The following ADAR variants were observed in gnomAD, a reference collection of about 807,000 sequenced individuals.
The protein encoded by ADAR is adenosine deaminase RNA specific.
Under a neutral mutation model 113.2 loss-of-function variants are expected in ADAR, and 41 were observed. The observed-to-expected ratio is 0.36, with a 90% CI of 0.28 to 0.47. ADAR has a LOEUF of 0.47. Ranked by LOEUF, ADAR falls within the 20% of genes least tolerant of loss-of-function variation. ADAR has a pLI of 1.00. For synonymous variants in ADAR, 605 were observed against 572.6 expected, an observed-to-expected ratio of 1.06 and a Z score of -0.81; for missense variants, 1,242 against 1,540.9, an observed-to-expected ratio of 0.81 and a Z score of 3.25.
chr1:154,594,390 C>T (rs1025668706), intron 6 of ADAR, among the ~76,000 whole-genome samples: 1 of 152,180 alleles, frequency 6.6e-6, no homozygotes, highest in Admixed American at 6.5e-5. Flanking sequence ...ATATTCTAGA[C>T]ATATACAGAC....
At position 154,590,415 on chromosome 1, in the gene ADAR, G is replaced by T. The variant is rs991426543; in HGVS notation, c.2271-6C>A. On this transcript the variant is annotated splice_polypyrimidine_tract_variant and splice_region_variant and intron_variant, in intron 6 of 14. Transcript: ENST00000368474. The stretch of plus-strand genomic sequence containing the variant: ...CTTTTGCTTGGTAAACGAACCTTTG[G>T]GATGAGAAACAGAGAATGAAGACAA... 3 of 1,613,692 alleles carry T rather than the reference G, an allele frequency of 1.9e-6. No homozygotes were observed. The highest frequency in any genetic ancestry group is 2.5e-6 in the Non-Finnish European group (3 of 1,179,796).
intron 1 of ADAR, among the ~76,000 whole-genome samples, chr1:154,624,705 G>A (rs913733111): frequency 5.9e-5 from 9 of 152,304 alleles, no homozygotes; most frequent in African/African-American, 2.2e-4. Context: ...ATCATCCAGT[G>A]TTCTCCAGAA....
chr1:154,619,318 C>T (rs2101695517), intron 1 of ADAR, among the ~76,000 whole-genome samples: 1 of 152,224 alleles, frequency 6.6e-6, no homozygotes, highest in African/African-American at 2.4e-5. Flanking sequence ...GCCAGCAAAC[C>T]ACAAAAACAA....
At chr1:154,598,128 C>T (rs531951819) in intron 3 of ADAR, 152 bp from the exon 4 acceptor site, 17 of 977,266 alleles carry the variant, frequency 1.7e-5, no homozygotes, top group Middle Eastern at 2.8e-4. Context: ...GCTCTCATTC[C>T]GCATCTTCCA....
Position 154,601,610 on chromosome 1 carries a change from A to G in ADAR, c.1032T>C (p.Tyr344=). 6.2e-7 allele frequency: 1 copy of G among 1,613,104 alleles called. No individual in the cohort carries two copies. The highest frequency in any genetic ancestry group is 2.2e-5 in the East Asian group (1 of 44,884). Reference sequence around the variant, plus strand: ...ATATGGGAGGGGTTGTCCCTTGTCTATAGACATCCCCCTGCCTTTCCATGT... The same window carrying G: ...ATATGGGAGGGGTTGTCCCTTGTCTGTAGACATCCCCCTGCCTTTCCATGT... ...LIDMERQGDV[Y]RQGTTPPIWH... is the part of the protein sequence containing the mutation. Residue 344 remains tyrosine, a synonymous_variant, in exon 2 of 15, where the codon TAT becomes TAC. Coordinates refer to ENST00000368474, the MANE Select transcript of ADAR (RefSeq NM_001111.5). The surrounding 1 kb of genome is among the most constrained non-coding windows in gnomAD (Gnocchi z 4.7).
chr1:154,611,526 A>G (rs1479574173), upstream of ADAR, among the ~76,000 whole-genome samples: 3 of 152,192 alleles, frequency 2.0e-5, no homozygotes, highest in Non-Finnish European at 2.9e-5. Flanking sequence ...CTTTAAAAAA[A>G]TTAACCAAAA....
At position 154,602,297 on chromosome 1, in the gene ADAR, G is replaced by A; in HGVS notation, c.345C>T (p.Gly115=). Residue 115 remains glycine, a synonymous_variant, in exon 2 of 15, where the codon GGC becomes GGT. Coordinates refer to ENST00000368474, the MANE Select transcript of ADAR (RefSeq NM_001111.5). ...CAACACCTCTCTGTGGCAGACTCCT[G>A]CCACGTGGTGAAGGATGCTGGAACC... ...QRGFQHPSPR[G]RSLPQRGVDC... The A allele has an allele frequency of 1.2e-6, 2 of 1,613,954 alleles. No individual in the cohort carries two copies. The highest frequency in any genetic ancestry group is 2.7e-5 in the African/African-American group (2 of 75,042).
chr1:154,613,466 G>A (rs1228123046), intron 1 of ADAR, among the ~76,000 whole-genome samples: 2 of 151,538 alleles, frequency 1.3e-5, no homozygotes, highest in African/African-American at 4.9e-5. Flanking sequence ...TATATTTTTA[G>A]TAGAGGTGGG....
chr1:154,586,030 C>G, intron 12 of ADAR, 151 bp downstream of exon 12: 1 of 1,216,970 alleles, frequency 8.2e-7, no homozygotes, highest in East Asian at 2.5e-5. Context: ...GATCTTCCTA[C>G]CACAGCAGAC....
intron 6 of ADAR, among the ~76,000 whole-genome samples, chr1:154,594,832 G>C (rs937345262): frequency 6.6e-6 from 1 of 152,224 alleles, no homozygotes; most frequent in Non-Finnish European, 1.5e-5. Flanking sequence ...AGCTATGCAA[G>C]AAGTCTGGTA....
intron 6 of ADAR, among the ~76,000 whole-genome samples, chr1:154,593,905 A>G (rs570178883): frequency 1.3e-5 from 2 of 151,912 alleles, no homozygotes; most frequent in Admixed American, 6.5e-5. Context: ...TTTTTTTGAG[A>G]CGGAGTCTCA....
upstream of ADAR, among the ~76,000 whole-genome samples, chr1:154,609,944 C>A (rs1042802037): frequency 6.6e-6 from 1 of 152,266 alleles, no homozygotes; most frequent in African/African-American, 2.4e-5. Context: ...TGTTTTGTAT[C>A]CTTATATTCG....
Position 154,584,374 on chromosome 1 carries a change from T to TAATCCACAAATGAAATTATCAGTA in ADAR, c.*431_*432insTACTGATAATTTCATTTGTGGATT, listed in dbSNP as rs1553206864. On this transcript the variant is annotated 3_prime_UTR_variant, in exon 15 of 15. Coordinates refer to ENST00000368474, the MANE Select transcript of ADAR (RefSeq NM_001111.5). ...AAGAGGGGAAGTAGAGGGGTCTGCGTAATCCACAAATGAAATTATCAGTCC... is the reference window on the plus strand; with the variant it reads ...AAGAGGGGAAGTAGAGGGGTCTGCGTAATCCACAAATGAAATTATCAGTAAATCCACAAATGAAATTATCAGTCC... The TAATCCACAAATGAAATTATCAGTA allele has an allele frequency of 5.8e-6, 1 of 173,602 alleles. No individual in the cohort carries two copies. Among genetic ancestry groups the TAATCCACAAATGAAATTATCAGTA allele is most frequent in the Non-Finnish European group, 1.2e-5 (1 of 80,232 alleles). The allele number at this position is 173,602 out of a possible 1,614,324, so 10.8% of individuals were successfully genotyped here.
In ADAR at chr1:154,583,197, G is replaced by A. The variant is rs1261996691; in HGVS notation, c.*1609C>T. 2 of 152,156 alleles carry A rather than the reference G, an allele frequency of 1.3e-5. No homozygotes were observed. Among genetic ancestry groups the A allele is most frequent in the Non-Finnish European group, 2.9e-5 (2 of 68,040 alleles). The allele number at this position is 152,156 out of a possible 1,614,324, so 9.4% of individuals were successfully genotyped here. Reference sequence around the variant, plus strand: ...GAGCCTCAGTAGTCCTCCTGAGTGTGTCTAGCTGACTGTTATCGAGGGACA... The same window carrying A: ...GAGCCTCAGTAGTCCTCCTGAGTGTATCTAGCTGACTGTTATCGAGGGACA... On this transcript the variant is annotated 3_prime_UTR_variant, in exon 15 of 15. Transcript: ENST00000368474.
At chr1:154,617,725 C>T (rs1394722948) in intron 1 of ADAR, among the ~76,000 whole-genome samples, 1 of 152,034 alleles carries the variant, frequency 6.6e-6, no homozygotes, top group Non-Finnish European at 1.5e-5. Context: ...ATATAGTGCC[C>T]CCCAAATCTG....
chr1:154,613,205 C>T (rs1698539619), intron 1 of ADAR, among the ~76,000 whole-genome samples: 1 of 151,716 alleles, frequency 6.6e-6, no homozygotes, highest in African/African-American at 2.4e-5. Context: ...GAGTGAGTTG[C>T]CCAACTGGCT....
chr1:154,611,251 C>T (rs764843929), upstream of ADAR, among the ~76,000 whole-genome samples: 1 of 152,092 alleles, frequency 6.6e-6, no homozygotes, highest in Non-Finnish European at 1.5e-5. Context: ...CACCGCTGCT[C>T]CCCCCACCCC....
intron 1 of ADAR, among the ~76,000 whole-genome samples, chr1:154,613,788 T>C (rs1178410844): frequency 2.6e-5 from 4 of 151,154 alleles, no homozygotes; most frequent in Non-Finnish European, 5.9e-5. Flanking sequence ...CCTGTAATCC[T>C]AGCTACTAGG....
upstream of ADAR, among the ~76,000 whole-genome samples, chr1:154,610,504 A>G (rs1029790351): frequency 2.0e-5 from 3 of 152,176 alleles, no homozygotes; most frequent in African/African-American, 4.8e-5. Flanking sequence ...AAACTATAGT[A>G]TGCTCTGCAT....
Sources: allele counts gnomAD v4.1 joint callset (sites outside exome capture counted in the v4.1 genomes callset), GRCh38; gene constraint gnomAD v4.1.1; non-coding constraint Gnocchi (gnomAD v3.1); transcripts MANE v1.5; gene names NCBI Gene and HGNC (gene_info 2026-07-23, HGNC 2026-07-21).